Variants in ITGAL observed in about 807,000 individuals in gnomAD.
ITGAL encodes the protein integrin subunit alpha L.
A neutral mutation model predicts 138.4 loss-of-function variants in ITGAL; 68 were observed. The ratio of observed to expected loss-of-function variants is 0.49; its 90% CI spans 0.40 to 0.60. The LOEUF (loss-of-function observed/expected upper bound fraction) is 0.60, where lower values mean the gene tolerates loss of function less well. Ranked by LOEUF, ITGAL falls within the 20% of genes least tolerant of loss-of-function variation. The pLI is 0.00. For synonymous variants in ITGAL, 561 were observed against 584.3 expected (o/e 0.96, Z 0.57); for missense variants, 1,256 against 1,478.6 (o/e 0.85, Z 2.47).
rs144305747 is a variant in ITGAL at position 30,519,547 on chromosome 16, A to C, written c.3229-310A>C. On this transcript the variant is annotated intron_variant, in intron 29 of 30. Coordinates refer to ENST00000356798, the MANE Select transcript of ITGAL (RefSeq NM_002209.3). ...AAGAGCAGGAAGTTCAGTGTGGCTA[A>C]CAGGCAGAGGGGAGGAGGGAAGCTG... 7.1e-3 allele frequency among the ~76,000 whole-genome samples: 1,085 copies of C among 152,308 alleles called. 16 individuals are homozygous for C. Among genetic ancestry groups the C allele is most frequent in the African/African-American group, 0.024 (1,015 of 41,568 alleles).
At chr16:30,485,823 T>C (rs2050639977) in intron 9 of ITGAL, among the ~76,000 whole-genome samples, 1 of 152,112 alleles carries the variant, frequency 6.6e-6, no homozygotes, top group Admixed American at 6.6e-5. Context: ...CGTGAGCCAC[T>C]GCACCCGGCC....
intron 6 of ITGAL, 123 bp downstream of exon 6, chr16:30,479,584 G>A (rs1453579998): frequency 5.7e-6 from 5 of 881,318 alleles, no homozygotes; most frequent in Non-Finnish European, 8.6e-6. Context: ...CTATAACTGG[G>A]CCTCTGGAAG....
chr16:30,498,179 G>C (rs1450978369), intron 15 of ITGAL, among the ~76,000 whole-genome samples: 1 of 151,312 alleles, frequency 6.6e-6, no homozygotes, highest in Non-Finnish European at 1.5e-5. Flanking sequence ...ACAAAAATTA[G>C]CTGGGCATGG....
rs1237316831 is a variant in ITGAL, at chr16:30,511,200, C to T, written c.2786+64C>T. 26 of 1,274,438 alleles carry T rather than the reference C, an allele frequency of 2.0e-5. 1 individual carries two copies. Among genetic ancestry groups the T allele is most frequent in the Middle Eastern group, 1.8e-4 (1 of 5,420 alleles). The allele number at this position is 1,274,438 out of a possible 1,614,324, so 78.9% of individuals were successfully genotyped here. A position where few individuals can be genotyped will look rare whatever the true frequency, so the allele number is the denominator to read the frequency against. On this transcript the variant is annotated intron_variant, in intron 24 of 30. Coordinates refer to ENST00000356798, the MANE Select transcript of ITGAL (RefSeq NM_002209.3). The stretch of plus-strand genomic sequence containing the variant: ...ACCGCAGCCTCCCAACCCAGGGCCC[C>T]GACTTTGCTCCTGGGGCTCTCCTTC...
chr16:30,502,193 T>G (rs11859989), intron 17 of ITGAL, among the ~76,000 whole-genome samples: 9,803 of 151,300 alleles, frequency 0.065, 537 homozygotes, highest in African/African-American at 0.15. Flanking sequence ...GTGAGGAGAT[T>G]GAGACCATCC....
At chr16:30,499,047 G>A in intron 15 of ITGAL, 27 bp from the exon 16 acceptor site, 1 of 1,608,494 alleles carries the variant, frequency 6.2e-7, no homozygotes, top group Non-Finnish European at 8.5e-7. Flanking sequence ...GTTGGAGGGA[G>A]AGAGTTGGTT....
At position 30,522,350 on chromosome 16, in the gene ITGAL, C is replaced by G. The variant is rs748097128; in HGVS notation, c.*685C>G. 1.3e-5 allele frequency: 2 copies of G among 152,822 alleles called. No individual in the cohort carries two copies. The highest frequency in any genetic ancestry group is 2.4e-5 in the African/African-American group (1 of 41,428). The allele number at this position is 152,822 out of a possible 1,614,324, so 9.5% of individuals were successfully genotyped here. A position where few individuals can be genotyped will look rare whatever the true frequency, so the allele number is the denominator to read the frequency against. ...CTGCCTGAACCTTCCATCTCGCCAC[C>G]CCTCCTTCCTTGACCAGCAGATCCC... On this transcript the variant is annotated 3_prime_UTR_variant, in exon 31 of 31. Transcript: ENST00000356798. This position sits in a 1 kb window ranked among gnomAD's most constrained non-coding sequence, Gnocchi z 4.0.
chr16:30,513,859 A>G lies in ITGAL; in HGVS notation c.2862+13A>G, dbSNP rs766466302. 3.3e-5 allele frequency: 53 copies of G among 1,586,532 alleles called. No homozygotes were observed. In the Admixed American group the frequency reaches 5.0e-4, roughly 15 times the overall value. On this transcript the variant is annotated intron_variant, in intron 25 of 30. Coordinates refer to ENST00000356798, the MANE Select transcript of ITGAL (RefSeq NM_002209.3). Reference sequence around the variant, plus strand: ...GCACATGTACCAGGTATGAATCCCAATGTGGAAGGTCCTTATAGGTCACAC... The same window carrying G: ...GCACATGTACCAGGTATGAATCCCAGTGTGGAAGGTCCTTATAGGTCACAC...
At chr16:30,482,812 C>T (rs763821936) in intron 7 of ITGAL, among the ~76,000 whole-genome samples, 5 of 151,902 alleles carry the variant, frequency 3.3e-5, no homozygotes, top group Non-Finnish European at 7.4e-5. Context: ...AGGCTGTGGG[C>T]AAAACAGGAA....
intron 22 of ITGAL, 36 bp from the exon 23 acceptor site, chr16:30,510,845 C>T (rs763346232): frequency 1.3e-6 from 2 of 1,559,588 alleles, no homozygotes; most frequent in Non-Finnish European, 1.8e-6. Context: ...CTCCTCATGA[C>T]CCTTCCATTT....
At position 30,483,951 on chromosome 16, in the gene ITGAL, A is replaced by C. The variant is rs1228798279; in HGVS notation, c.847A>C (p.Ile283Leu). The C allele has an allele frequency of 2.5e-6, 4 of 1,612,962 alleles. No individual in the cohort carries two copies. The highest frequency in any genetic ancestry group is 2.5e-6 in the Non-Finnish European group (3 of 1,179,194). ...TGCGGCCAAAGACATCATCCGCTAC[A>C]TCATCGGGGTAGGGCCCCTGCTGCT... The part of the protein sequence containing the change: ...IDAAKDIIRY[I>L]IGIGKHFQTK... Residue 283 changes from isoleucine (I) to leucine (L), a missense_variant, in exon 8 of 31, where the codon ATC becomes CTC. Ile to Leu is a conservative substitution (Grantham distance 5, BLOSUM62 2). Coordinates refer to ENST00000356798, the MANE Select transcript of ITGAL (RefSeq NM_002209.3).
At chr16:30,499,713 G>GTGTATATATATATACGTATATA (rs1274863012) in intron 17 of ITGAL, among the ~76,000 whole-genome samples, 9 of 103,224 alleles carry the variant, frequency 8.7e-5, no homozygotes, top group Admixed American at 1.3e-4. Context: ...ATATATATAT[G>GTGTATATATATATACGTATATA]TATATATATA....
chr16:30,488,188 C>G (rs1424772689), intron 9 of ITGAL, among the ~76,000 whole-genome samples: 1 of 143,716 alleles, frequency 7.0e-6, no homozygotes, highest in South Asian at 2.2e-4. Flanking sequence ...CAGCAAGACC[C>G]TGTCTCAAAA....
intron 4 of ITGAL, 119 bp from the exon 5 acceptor site, chr16:30,478,972 T>C (rs2050514058): frequency 4.0e-6 from 3 of 754,684 alleles, no homozygotes; most frequent in Non-Finnish European, 7.0e-6. Context: ...TGGTAACCAG[T>C]TGGATAGAGG....
chr16:30,518,142 G>A (rs2051198304), intron 28 of ITGAL, among the ~76,000 whole-genome samples: 1 of 152,080 alleles, frequency 6.6e-6, no homozygotes, highest in Admixed American at 6.6e-5. Context: ...ACAATGGGGA[G>A]CGACATATTA....
At chr16:30,491,269 C>T (rs2050720472) in intron 11 of ITGAL, among the ~76,000 whole-genome samples, 1 of 150,766 alleles carries the variant, frequency 6.6e-6, no homozygotes. Flanking sequence ...GGCATGGTGG[C>T]ATGCACCTGT....
At chr16:30,499,018 A>AG in intron 15 of ITGAL, 56 bp from the exon 16 acceptor site, 1 of 1,560,742 alleles carries the variant, frequency 6.4e-7, no homozygotes, top group Non-Finnish European at 8.7e-7. Flanking sequence ...CCCACATCTG[A>AG]GGGGGGACGT....
chr16:30,505,381 T>C lies in ITGAL; in HGVS notation c.2293-8T>C, dbSNP rs759306155. ...GAGCCTGTTACTCCTTTCTTCTTGG[T>C]GTTTCAGATCCCTTTTGAGAAGAAC... is the stretch of plus-strand genomic sequence containing the variant. On this transcript the variant is annotated splice_region_variant and splice_polypyrimidine_tract_variant and intron_variant, in intron 19 of 30. Transcript: ENST00000356798. The C allele has an allele frequency of 1.2e-5, 20 of 1,613,826 alleles. No individual in the cohort carries two copies. In the African/African-American group the frequency reaches 2.5e-4, roughly 20 times the overall value.
At position 30,510,810 on chromosome 16, in the gene ITGAL, ATT is replaced by A. The variant is rs2051077912; in HGVS notation, c.2620-70_2620-69del. On this transcript the variant is annotated intron_variant, in intron 22 of 30. Coordinates refer to ENST00000356798, the MANE Select transcript of ITGAL (RefSeq NM_002209.3). ...ATAAGGGGTCCCTGAGATGATGGTG[ATT>A]AGATGTGGGGGCCATGAGGCTGCTC... 3 of 1,194,328 alleles carry A rather than the reference ATT, an allele frequency of 2.5e-6. No homozygotes were observed. The East Asian group carries it at 7.0e-5, about 28-fold the overall frequency. 74.0% of individuals were successfully genotyped at this position (1,194,328 alleles called of 1,614,324 possible). A position where few individuals can be genotyped will look rare whatever the true frequency, so the allele number is the denominator to read the frequency against.
Sources: allele counts gnomAD v4.1 joint callset (sites outside exome capture counted in the v4.1 genomes callset), GRCh38; gene constraint gnomAD v4.1.1; non-coding constraint Gnocchi (gnomAD v3.1); transcripts MANE v1.5; gene names NCBI Gene and HGNC (gene_info 2026-07-23, HGNC 2026-07-21).